PGCKA1: variants seen among roughly 807,000 people sequenced by gnomAD.
PGCKA1 encodes the protein PDCD10 and GCKIII kinases associated 1, also known as PDCD10 and GCKIII kinases-associated protein 1.
the PGCKA1 span, among the ~76,000 whole-genome samples, chr4:37,479,140 C>T: frequency 6.6e-6 from 1 of 152,196 alleles, no homozygotes; most frequent in African/African-American, 2.4e-5. Flanking sequence ...TATGCCTGTT[C>T]ATGGTACTAG....
chr4:37,543,286 T>C, the PGCKA1 span, among the ~76,000 whole-genome samples: 1 of 152,198 alleles, frequency 6.6e-6, no homozygotes, highest in Non-Finnish European at 1.5e-5. Flanking sequence ...AATGCCACCA[T>C]TCTCCACTGA....
chr4:37,453,607 T>G, the PGCKA1 span, among the ~76,000 whole-genome samples: 10 of 152,148 alleles, frequency 6.6e-5, no homozygotes, highest in Non-Finnish European at 1.5e-5. Flanking sequence ...CTCCAGTCCC[T>G]TGATCATAGG....
chr4:37,490,993 T>C, the PGCKA1 span, among the ~76,000 whole-genome samples: 1 of 152,234 alleles, frequency 6.6e-6, no homozygotes, highest in African/African-American at 2.4e-5. Context: ...AGTCTTTACT[T>C]TTTAGCTCTA....
chr4:37,525,641 T>C, the PGCKA1 span, among the ~76,000 whole-genome samples: 4 of 152,170 alleles, frequency 2.6e-5, no homozygotes, highest in South Asian at 4.1e-4. Flanking sequence ...TATTCCCCAA[T>C]AGGATTCTAC....
chr4:37,493,042 ATG>A, the PGCKA1 span, among the ~76,000 whole-genome samples: 63 of 152,192 alleles, frequency 4.1e-4, 1 homozygote, highest in East Asian at 0.012. Flanking sequence ...ATGTATGTAT[ATG>A]TGTATAGATA....
the PGCKA1 span, among the ~76,000 whole-genome samples, chr4:37,468,524 G>T: frequency 6.6e-6 from 1 of 152,260 alleles, no homozygotes; most frequent in African/African-American, 2.4e-5. Flanking sequence ...AGCTAATCAT[G>T]ACACTTTTGT....
At chr4:37,455,547 T>C in the PGCKA1 span, among the ~76,000 whole-genome samples, 3 of 152,308 alleles carry the variant, frequency 2.0e-5, no homozygotes, top group East Asian at 5.8e-4. Context: ...GCAAGTATGA[T>C]CTTGGTCCTC....
chr4:37,591,750 A>G, the PGCKA1 span: 17 of 152,250 alleles, frequency 1.1e-4, no homozygotes, highest in East Asian at 5.8e-4. Context: ...TAAGTTCATG[A>G]CATTCGGAAC....
At chr4:37,546,009 G>T in the PGCKA1 span, among the ~76,000 whole-genome samples, 1 of 152,150 alleles carries the variant, frequency 6.6e-6, no homozygotes, top group African/African-American at 2.4e-5. Context: ...AACTTCCATT[G>T]TAGTGGCTGG....
the PGCKA1 span, among the ~76,000 whole-genome samples, chr4:37,501,660 C>CA: frequency 1.8e-4 from 27 of 152,174 alleles, no homozygotes; most frequent in Non-Finnish European, 3.5e-4. Context: ...CTGGTGGTAA[C>CA]AAATTCCCTC....
the PGCKA1 span, among the ~76,000 whole-genome samples, chr4:37,545,932 AG>A: frequency 7.9e-5 from 12 of 152,248 alleles, no homozygotes; most frequent in Non-Finnish European, 1.6e-4. Context: ...ACATATTTAC[AG>A]AAGTCCTACT....
the PGCKA1 span, among the ~76,000 whole-genome samples, chr4:37,570,076 T>C: frequency 1.4e-5 from 2 of 146,180 alleles, no homozygotes; most frequent in African/African-American, 5.0e-5. Flanking sequence ...GCCTCCCAGG[T>C]TCACGCCATT....
chr4:37,460,317 T>C, the PGCKA1 span: 9 of 224,832 alleles, frequency 4.0e-5, no homozygotes, highest in African/African-American at 1.9e-4. Context: ...TGTATCTTTA[T>C]AATAGAATTA....
chr4:37,546,238 A>T, the PGCKA1 span, among the ~76,000 whole-genome samples: 1 of 152,330 alleles, frequency 6.6e-6, no homozygotes, highest in East Asian at 1.9e-4. Context: ...TTTTATACTC[A>T]GTACCTGTTT....
At chr4:37,467,079 C>T in the PGCKA1 span, among the ~76,000 whole-genome samples, 1 of 152,134 alleles carries the variant, frequency 6.6e-6, no homozygotes, top group Non-Finnish European at 1.5e-5. Flanking sequence ...GCCTGGGTGA[C>T]ACAGTGAGAC....
the PGCKA1 span, among the ~76,000 whole-genome samples, chr4:37,556,636 G>A: frequency 2.0e-5 from 3 of 152,172 alleles, no homozygotes; most frequent in East Asian, 5.8e-4. Flanking sequence ...TCAGCTTCTG[G>A]AAGCCTCCCA....
At chr4:37,465,002 A>G in the PGCKA1 span, among the ~76,000 whole-genome samples, 1 of 152,304 alleles carries the variant, frequency 6.6e-6, no homozygotes, top group Admixed American at 6.5e-5. Context: ...AATATGGAGA[A>G]ATTAAAGCTC....
chr4:37,556,907 G>A, the PGCKA1 span, among the ~76,000 whole-genome samples: 1 of 152,220 alleles, frequency 6.6e-6, no homozygotes, highest in South Asian at 2.1e-4. Flanking sequence ...TTTGAGCAGT[G>A]TATCAGAGCT....
chr4:37,588,862 A>G, the PGCKA1 span: 7 of 1,612,782 alleles, frequency 4.3e-6, no homozygotes, highest in Non-Finnish European at 5.9e-6. Flanking sequence ...ACAGAAAACA[A>G]TCCAGATGGG....
Sources: allele counts gnomAD v4.1 joint callset (sites outside exome capture counted in the v4.1 genomes callset), GRCh38; gene constraint gnomAD v4.1.1; transcripts MANE v1.5; gene names NCBI Gene and HGNC (gene_info 2026-07-23, HGNC 2026-07-21).